Variants in PTPRG observed in about 807,000 individuals in gnomAD.
PTPRG encodes receptor-type tyrosine-protein phosphatase gamma.
A neutral mutation model predicts 165.3 loss-of-function variants in PTPRG; 102 were observed. That is an observed-to-expected ratio of 0.62 (90% CI 0.53 to 0.73). The LOEUF (loss-of-function observed/expected upper bound fraction) is 0.73. Among genes scored for constraint, PTPRG ranks in the 30% least tolerant of loss-of-function variants. The pLI, the probability that PTPRG is intolerant of heterozygous loss-of-function variation, is 0.00. For synonymous variants in PTPRG, 675 were observed against 669.5 expected, an observed-to-expected ratio of 1.01 and a Z score of -0.13; for missense variants, 1,866 against 1,861.4, an observed-to-expected ratio of 1.00 and a Z score of -0.05.
intron 1 of PTPRG, among the ~76,000 whole-genome samples, chr3:61,679,644 G>A (rs954539744): frequency 1.3e-5 from 2 of 152,106 alleles, no homozygotes; most frequent in Admixed American, 1.3e-4. Flanking sequence ...AGCTGGGTGT[G>A]GTGGTGCACG....
At chr3:61,711,436 T>C (rs2031550942) in intron 1 of PTPRG, among the ~76,000 whole-genome samples, 1 of 152,214 alleles carries the variant, frequency 6.6e-6, no homozygotes, top group African/African-American at 2.4e-5. Context: ...GCATCTGTTG[T>C]TTCCTGACTT....
At chr3:62,263,405 T>G (rs1229033056) in intron 17 of PTPRG, 1 of 153,676 alleles carries the variant, frequency 6.5e-6, no homozygotes, top group Non-Finnish European at 1.4e-5. Flanking sequence ...AGGAATATTC[T>G]GTAGGTTAGG....
chr3:62,284,947 T>C (rs1304963189), intron 28 of PTPRG, among the ~76,000 whole-genome samples: 1 of 152,164 alleles, frequency 6.6e-6, no homozygotes, highest in Non-Finnish European at 1.5e-5. Flanking sequence ...CTCTTTCCTC[T>C]GAGCACCCTT....
intron 4 of PTPRG, among the ~76,000 whole-genome samples, chr3:62,066,593 A>G (rs1701020481): frequency 6.6e-6 from 1 of 152,144 alleles, no homozygotes; most frequent in South Asian, 2.1e-4. Flanking sequence ...CTCCCCCTCC[A>G]CTGTGTCCAA....
intron 2 of PTPRG, among the ~76,000 whole-genome samples, chr3:61,876,691 C>G (rs1199069891): frequency 6.6e-6 from 1 of 152,108 alleles, no homozygotes; most frequent in East Asian, 1.9e-4. Context: ...GGCGGATCCC[C>G]TGAAGTCGGG....
chr3:62,109,450 T>C (rs1049576993), intron 5 of PTPRG, among the ~76,000 whole-genome samples: 10 of 152,228 alleles, frequency 6.6e-5, no homozygotes, highest in African/African-American at 2.4e-4. Context: ...TACTGTAGTC[T>C]TGCAGTGTAG....
intron 1 of PTPRG, among the ~76,000 whole-genome samples, chr3:61,698,126 C>T (rs60260918): frequency 0.16 from 24,581 of 152,048 alleles, 2,058 homozygotes; most frequent in East Asian, 0.21. Context: ...ATAAAACTTA[C>T]ATTAAATAAA....
intron 4 of PTPRG, among the ~76,000 whole-genome samples, chr3:62,008,759 A>T (rs2041352836): frequency 6.6e-6 from 1 of 152,194 alleles, no homozygotes; most frequent in Non-Finnish European, 1.5e-5. Flanking sequence ...CAAAAGGAGC[A>T]TGCAGCCTAG....
At chr3:61,706,939 T>A (rs1320643674) in intron 1 of PTPRG, among the ~76,000 whole-genome samples, 1 of 152,234 alleles carries the variant, frequency 6.6e-6, no homozygotes, top group Non-Finnish European at 1.5e-5. Context: ...TTTATACATT[T>A]ACTGTGCATT....
rs1469410579 is a variant in PTPRG at position 62,265,843 on chromosome 3, TACATAC to T, written c.2657-1563_2657-1558del. Among the ~76,000 whole-genome samples the T allele has an allele frequency of 1.2e-4, 14 of 117,132 alleles. No individual in the cohort carries two copies. The East Asian group carries it at 1.9e-3, about 16-fold the overall frequency. 76.8% of individuals were successfully genotyped at this position (117,132 alleles called of 152,430 possible). A position where few individuals can be genotyped will look rare whatever the true frequency, so the allele number is the denominator to read the frequency against. ...CATCTGTGCCTTATATATACATACA[TACATAC>T]ACACACACACACACACACACACACA... is the stretch of plus-strand genomic sequence containing the variant. On this transcript the variant is annotated intron_variant, in intron 17 of 29. Transcript: ENST00000474889.
intron 1 of PTPRG, among the ~76,000 whole-genome samples, chr3:61,612,313 C>A (rs1284505388): frequency 6.6e-6 from 1 of 152,198 alleles, no homozygotes; most frequent in Non-Finnish European, 1.5e-5. Flanking sequence ...TAAAGAGGTT[C>A]TCTGGTGAGC....
At chr3:61,733,322 A>G (rs1382251542) in intron 1 of PTPRG, among the ~76,000 whole-genome samples, 2 of 152,032 alleles carry the variant, frequency 1.3e-5, no homozygotes, top group Admixed American at 6.6e-5. Flanking sequence ...GTCCCAGTGG[A>G]GCTTCCTTTC....
chr3:61,965,244 C>CAAA (rs57335330), intron 2 of PTPRG, among the ~76,000 whole-genome samples: 32,537 of 134,422 alleles, frequency 0.24, 4,347 homozygotes, highest in African/African-American at 0.36. Context: ...AACTCTGTCT[C>CAAA]AAAAAAAAAA....
chr3:62,175,616 A>G (rs1466627205), intron 8 of PTPRG, among the ~76,000 whole-genome samples: 3 of 152,228 alleles, frequency 2.0e-5, no homozygotes, highest in African/African-American at 7.2e-5. Flanking sequence ...AAAAAGTTCT[A>G]GGTACTAGAA....
chr3:62,156,955 A>T (rs1325315199), intron 6 of PTPRG, 112 bp from the exon 7 acceptor site: 1 of 973,874 alleles, frequency 1.0e-6, no homozygotes, highest in Non-Finnish European at 1.6e-6. Flanking sequence ...GGATATAAAC[A>T]AACATAAGGC....
rs117450518 is a variant in PTPRG at position 61,709,413 on chromosome 3, C to T, written c.86-39465C>T. Among the ~76,000 whole-genome samples, 275 of 152,246 alleles carry T rather than the reference C, an allele frequency of 1.8e-3. 1 individual carries two copies. In the East Asian group the frequency reaches 0.019, roughly 11 times the overall value. On this transcript the variant is annotated intron_variant, in intron 1 of 29. Transcript: ENST00000474889. Reference sequence around the variant, plus strand: ...TACTGCAACGTCCACCTCCTAGATTCAAGTGGTTCTCCTGCCTCACCCTTC... The same window carrying T: ...TACTGCAACGTCCACCTCCTAGATTTAAGTGGTTCTCCTGCCTCACCCTTC...
chr3:61,708,102 T>G (rs2031353902), intron 1 of PTPRG, among the ~76,000 whole-genome samples: 1 of 152,040 alleles, frequency 6.6e-6, no homozygotes. Context: ...TTTTTTTTAT[T>G]TTTTAGGGAT....
chr3:62,219,484 T>A lies in PTPRG; in HGVS notation c.2288+501T>A, dbSNP rs548159305. Among the ~76,000 whole-genome samples, 1 of 152,332 alleles carries A rather than the reference T, an allele frequency of 6.6e-6. No individual in the cohort carries two copies. The highest frequency in any genetic ancestry group is 2.1e-4 in the South Asian group (1 of 4,828). ...AGCATATTATGTGGTATTTAATATA[T>A]GTAAGATTAAAATGGCAGATTGTAA... On this transcript the variant is annotated intron_variant, in intron 13 of 29. Transcript: ENST00000474889. This position sits in a 1 kb window ranked among gnomAD's most constrained non-coding sequence, Gnocchi z 4.5.
chr3:62,277,113 C>A, intron 25 of PTPRG, 65 bp downstream of exon 25: 2 of 1,227,210 alleles, frequency 1.6e-6, no homozygotes, highest in Non-Finnish European at 2.4e-6. Context: ...GAGCAGATAC[C>A]ACCTGTGTGA....
Sources: gnomAD v4.1 joint callset for allele counts (sites outside exome capture counted in the v4.1 genomes callset) on GRCh38, gnomAD v4.1.1 for gene constraint, Gnocchi (gnomAD v3.1) non-coding constraint, MANE v1.5 for transcripts, NCBI Gene and HGNC (gene_info 2026-07-23, HGNC 2026-07-21) for gene names.